The following MPP7 variants were observed in gnomAD, a reference collection of about 807,000 sequenced individuals.
The protein encoded by MPP7 is MAGUK p55 subfamily member 7.
A neutral mutation model predicts 76.5 loss-of-function variants in MPP7; 60 were observed. The observed-to-expected ratio is 0.78, with a 90% CI of 0.64 to 0.97. The LOEUF is 0.97. MPP7 is among the 50% of genes least tolerant of loss of function. The probability of loss-of-function intolerance (pLI) is 0.00; values close to 1 mark genes in which losing one functional copy is unlikely to be tolerated. For missense variants in MPP7, 641 were observed against 694.0 expected (o/e 0.92, Z 0.86); for synonymous variants, 237 against 244.5 (o/e 0.97, Z 0.29).
At chr10:28,170,477 T>G (rs1836643856) in intron 3 of MPP7, among the ~76,000 whole-genome samples, 1 of 151,868 alleles carries the variant, frequency 6.6e-6, no homozygotes, top group Non-Finnish European at 1.5e-5. Flanking sequence ...ACTTCCTCTA[T>G]TTTCTTTATC....
intron 11 of MPP7, among the ~76,000 whole-genome samples, chr10:28,111,016 T>C (rs1355444056): frequency 3.9e-5 from 6 of 152,188 alleles, no homozygotes; most frequent in Non-Finnish European, 8.8e-5. Flanking sequence ...CAGAGTACAT[T>C]TGTAAGTTGA....
At chr10:28,066,130 G>A (rs1042383060) in intron 13 of MPP7, among the ~76,000 whole-genome samples, 17 of 152,108 alleles carry the variant, frequency 1.1e-4, no homozygotes, top group Admixed American at 7.2e-4. Flanking sequence ...ACTTTGGGAG[G>A]CTGAGGCAGG....
At chr10:28,302,733 G>C (rs1481912739) in intron 1 of MPP7, among the ~76,000 whole-genome samples, 128 bp downstream of exon 1, 1 of 152,088 alleles carries the variant, frequency 6.6e-6, no homozygotes, top group South Asian at 2.1e-4. Context: ...GAGGCCGGCA[G>C]GAGGCTCCGG....
intron 1 of MPP7, among the ~76,000 whole-genome samples, chr10:28,274,028 G>A (rs1840410432): frequency 6.6e-6 from 1 of 151,716 alleles, no homozygotes; most frequent in African/African-American, 2.4e-5. Flanking sequence ...GAGAGGCCAA[G>A]GCAAGCAGAT....
chr10:28,201,586 G>C (rs1209955316), intron 3 of MPP7, among the ~76,000 whole-genome samples: 1 of 152,022 alleles, frequency 6.6e-6, no homozygotes, highest in Non-Finnish European at 1.5e-5. Flanking sequence ...ATTTCTGCTG[G>C]CTGATCATTT....
At chr10:28,100,135 AC>A (rs1375809663) in intron 11 of MPP7, among the ~76,000 whole-genome samples, 114 of 148,604 alleles carry the variant, frequency 7.7e-4, no homozygotes, top group African/African-American at 2.6e-3. Flanking sequence ...AAAAAAAAAA[AC>A]ACGTAGACAT....
At chr10:28,315,731 C>A (rs2133178784) in intron 2 of MPP7, among the ~76,000 whole-genome samples, 1 of 152,282 alleles carries the variant, frequency 6.6e-6, no homozygotes, top group East Asian at 1.9e-4. Flanking sequence ...AAGAATACCT[C>A]CCCATCCCTT....
At chr10:28,332,234 G>C (rs1300187155) in intron 1 of MPP7, among the ~76,000 whole-genome samples, 1 of 113,070 alleles carries the variant, frequency 8.8e-6, no homozygotes, top group Admixed American at 8.5e-5. Context: ...TTGCCAGTTT[G>C]TCAAATGTAT....
At chr10:28,228,857 T>C (rs1356438405) in intron 2 of MPP7, among the ~76,000 whole-genome samples, 1 of 151,800 alleles carries the variant, frequency 6.6e-6, no homozygotes, top group African/African-American at 2.4e-5. Flanking sequence ...CCCCAGCATG[T>C]AAAGGAGAGC....
At chr10:28,180,808 G>T (rs1837034793) in intron 3 of MPP7, among the ~76,000 whole-genome samples, 1 of 152,154 alleles carries the variant, frequency 6.6e-6, no homozygotes, top group Admixed American at 6.6e-5. Context: ...TGGAGGGTAG[G>T]AAGAAGAGAC....
chr10:28,113,887 A>T (rs1834580692), intron 11 of MPP7, among the ~76,000 whole-genome samples: 1 of 152,154 alleles, frequency 6.6e-6, no homozygotes. Context: ...AGGTCGAGGG[A>T]CATAAAGTTT....
In MPP7 at chr10:28,160,813, T is replaced by G. The variant is rs116191321; in HGVS notation, c.157-10754A>C. Among the ~76,000 whole-genome samples the G allele has an allele frequency of 2.2e-3, 341 of 152,286 alleles. 2 individuals are homozygous for G. Among genetic ancestry groups the G allele is most frequent in the African/African-American group, 7.8e-3 (324 of 41,568 alleles). On this transcript the variant is annotated intron_variant, in intron 3 of 16. Coordinates refer to ENST00000683449, the MANE Select transcript of MPP7 (RefSeq NM_001318170.2). ...TCCAGGCTTGTGATGTGTGTGACTCTCAGAACCAGGTGTTACTTTTCTAAA... is the reference window on the plus strand; with the variant it reads ...TCCAGGCTTGTGATGTGTGTGACTCGCAGAACCAGGTGTTACTTTTCTAAA...
chr10:28,235,699 T>G (rs1839050377), intron 2 of MPP7, among the ~76,000 whole-genome samples: 1 of 152,218 alleles, frequency 6.6e-6, no homozygotes, highest in Non-Finnish European at 1.5e-5. Flanking sequence ...GAGAATATCT[T>G]CATAATCTTG....
intron 1 of MPP7, among the ~76,000 whole-genome samples, chr10:28,290,543 A>G (rs1266103265): frequency 6.6e-6 from 1 of 151,808 alleles, no homozygotes; most frequent in East Asian, 1.9e-4. Context: ...CACAATCTCG[A>G]CTCACTGAAA....
At chr10:28,241,356 CT>C (rs1408565080) in intron 1 of MPP7, among the ~76,000 whole-genome samples, 3 of 152,080 alleles carry the variant, frequency 2.0e-5, no homozygotes, top group Non-Finnish European at 4.4e-5. Flanking sequence ...AAACAATTAT[CT>C]TTTAAGTATA....
At chr10:28,216,910 A>G (rs996165192) in intron 2 of MPP7, among the ~76,000 whole-genome samples, 1 of 152,056 alleles carries the variant, frequency 6.6e-6, no homozygotes, top group South Asian at 2.1e-4. Flanking sequence ...TCCTGGTTAC[A>G]TTCAGAGATG....
chr10:28,290,839 TC>T (rs2133126681), intron 1 of MPP7, among the ~76,000 whole-genome samples: 1 of 152,312 alleles, frequency 6.6e-6, no homozygotes, highest in African/African-American at 2.4e-5. Flanking sequence ...AAGAAGTAAC[TC>T]ACCTAGAATC....
intron 1 of MPP7, among the ~76,000 whole-genome samples, chr10:28,260,829 T>C (rs888789837): frequency 1.3e-5 from 2 of 151,662 alleles, no homozygotes. Context: ...CTGGCACAAT[T>C]TAAAGTGAAA....
At chr10:28,179,863 T>A (rs181559621) in intron 3 of MPP7, among the ~76,000 whole-genome samples, 1 of 152,186 alleles carries the variant, frequency 6.6e-6, no homozygotes, top group Non-Finnish European at 1.5e-5. Context: ...TTTATAACAT[T>A]CCAATTTAAA....
Sources: allele counts gnomAD v4.1 joint callset (sites outside exome capture counted in the v4.1 genomes callset), GRCh38; gene constraint gnomAD v4.1.1; transcripts MANE v1.5; gene names NCBI Gene and HGNC (gene_info 2026-07-23, HGNC 2026-07-21).